Variants in PCID2 observed in about 807,000 individuals in gnomAD.
PCID2 encodes the protein PCI domain containing 2.
PCID2 carries 41 observed loss-of-function variants against 61.3 expected under a neutral mutation model. That is an observed-to-expected ratio of 0.67 (90% confidence interval 0.52 to 0.87). The LOEUF is 0.87. PCID2 is among the 40% of genes least tolerant of loss of function. The pLI is 0.00. For synonymous variants in PCID2, 187 were observed against 177.8 expected (o/e 1.05, Z -0.41); for missense variants, 392 against 493.4 (o/e 0.79, Z 1.95).
chr13:113,199,059 A>G (rs1018602608), intron 2 of PCID2, among the ~76,000 whole-genome samples: 2 of 152,218 alleles, frequency 1.3e-5, no homozygotes, highest in African/African-American at 4.8e-5. Context: ...ATTTTAGATA[A>G]TCTGAACATC....
intron 6 of PCID2, among the ~76,000 whole-genome samples, chr13:113,192,713 T>C (rs1355606132): frequency 6.6e-6 from 1 of 151,992 alleles, no homozygotes; most frequent in Non-Finnish European, 1.5e-5. Context: ...GGTTTGGGGG[T>C]TGGGTTTTTA....
Position 113,179,830 on chromosome 13 carries a change from T to TA in PCID2, c.986+86_986+87insT. The TA allele has an allele frequency of 7.3e-7, 1 of 1,370,962 alleles. No individual in the cohort carries two copies. 84.9% of individuals were successfully genotyped at this position (1,370,962 alleles called of 1,614,324 possible). Reference sequence around the variant, plus strand: ...TAACGACCCCACCCACACGGTGGCCTTCTCTCTTAGACTGCAACAGCCCTG... The same window carrying TA: ...TAACGACCCCACCCACACGGTGGCCTATCTCTCTTAGACTGCAACAGCCCTG... On this transcript the variant is annotated intron_variant, in intron 12 of 13. Transcript: ENST00000337344. This position sits in a 1 kb window ranked among gnomAD's most constrained non-coding sequence, Gnocchi z 4.3.
At chr13:113,186,629 G>A (rs1012751167) in intron 7 of PCID2, 1 of 152,026 alleles carries the variant, frequency 6.6e-6, no homozygotes, top group Non-Finnish European at 1.5e-5. Flanking sequence ...GCCCTACGGA[G>A]TCTCACACTG....
At chr13:113,194,305 C>A (rs1055498839) in intron 6 of PCID2, among the ~76,000 whole-genome samples, 38 of 152,280 alleles carry the variant, frequency 2.5e-4, no homozygotes, top group Admixed American at 9.2e-4. Context: ...CTCCTGGTTT[C>A]CTTGGGGCTT....
chr13:113,202,356 A>G (rs1360144779), intron 1 of PCID2, among the ~76,000 whole-genome samples: 1 of 152,210 alleles, frequency 6.6e-6, no homozygotes, highest in Non-Finnish European at 1.5e-5. Flanking sequence ...ATTCCATACA[A>G]CTACACATGC....
downstream of PCID2, among the ~76,000 whole-genome samples, chr13:113,176,727 C>T (rs1419871603): frequency 6.6e-6 from 1 of 152,046 alleles, no homozygotes; most frequent in Non-Finnish European, 1.5e-5. Flanking sequence ...TGCACTGCCG[C>T]ACTCCAGCCT....
intron 8 of PCID2, among the ~76,000 whole-genome samples, chr13:113,185,007 G>C (rs2037980734): frequency 6.6e-6 from 1 of 152,280 alleles, no homozygotes; most frequent in South Asian, 2.1e-4. Flanking sequence ...TACAGGAGTG[G>C]AAGGCACTGG....
At chr13:113,205,859 G>A (rs1428424401) in intron 1 of PCID2, among the ~76,000 whole-genome samples, 3 of 152,156 alleles carry the variant, frequency 2.0e-5, no homozygotes. Context: ...TTCCATTTGG[G>A]GTGACAAAAA....
chr13:113,196,455 TAA>T (rs936689038), intron 4 of PCID2, among the ~76,000 whole-genome samples: 1 of 152,190 alleles, frequency 6.6e-6, no homozygotes, highest in African/African-American at 2.4e-5. Flanking sequence ...GTCTCCTAAA[TAA>T]AAAAGACTTA....
At chr13:113,202,822 A>G (rs569520610) in intron 1 of PCID2, among the ~76,000 whole-genome samples, 1 of 152,356 alleles carries the variant, frequency 6.6e-6, no homozygotes, top group South Asian at 2.1e-4. Context: ...GTTTCTGAGC[A>G]CACCTTTAAA....
chr13:113,176,167 GAA>G (rs2037181926), downstream of PCID2, among the ~76,000 whole-genome samples: 1 of 152,218 alleles, frequency 6.6e-6, no homozygotes, highest in Non-Finnish European at 1.5e-5. Flanking sequence ...CGGAGAGAGA[GAA>G]AGAGGGATTC....
downstream of PCID2, among the ~76,000 whole-genome samples, chr13:113,176,427 T>C (rs9577477): frequency 0.3 from 1,627 of 5,486 alleles, 480 homozygotes; most frequent in South Asian, 0.84. Context: ...CTAAATGTGG[T>C]CATAAGGGTG....
At chr13:113,185,820 C>T (rs2038060063) in intron 7 of PCID2, 1 of 346,744 alleles carries the variant, frequency 2.9e-6, no homozygotes, top group Admixed American at 4.3e-5. Context: ...CATCCTTCCT[C>T]CGCGGCACCA....
Position 113,208,640 on chromosome 13 carries a change from C to CG in PCID2, c.-7dup, listed in dbSNP as rs1174284746. ...TTAATGGTAATGTGCGCCATGGGAG[C>CG]GCCGCCGAACGGAGAGCGCCACCCC... On this transcript the variant is annotated 5_prime_UTR_variant, in exon 1 of 14. Coordinates refer to ENST00000337344, the MANE Select transcript of PCID2 (RefSeq NM_001127202.4). The CG allele has an allele frequency of 6.2e-7, 1 of 1,605,946 alleles. No homozygotes were observed. The highest frequency in any genetic ancestry group is 8.5e-7 in the Non-Finnish European group (1 of 1,176,914).
intron 1 of PCID2, among the ~76,000 whole-genome samples, chr13:113,201,285 A>G (rs866224309): frequency 5.9e-5 from 9 of 152,200 alleles, no homozygotes; most frequent in Non-Finnish European, 8.8e-5. Flanking sequence ...TAAATGAAAA[A>G]AAAAGTTAAC....
chr13:113,189,719 G>GA (rs34942283), intron 7 of PCID2, among the ~76,000 whole-genome samples: 108,833 of 141,314 alleles, frequency 0.77, 41,993 homozygotes, highest in Middle Eastern at 0.8. Context: ...TGAAGGAGAG[G>GA]AAAAAAAAAA....
chr13:113,196,064 T>C, intron 5 of PCID2, 117 bp downstream of exon 5: 1 of 748,614 alleles, frequency 1.3e-6, no homozygotes, highest in East Asian at 2.5e-5. Context: ...GTCAACACAC[T>C]GATTACCAAA....
At chr13:113,185,200 C>A (rs901558375) in intron 8 of PCID2, among the ~76,000 whole-genome samples, 3 of 152,230 alleles carry the variant, frequency 2.0e-5, no homozygotes, top group Non-Finnish European at 4.4e-5. Flanking sequence ...CCCAATTCCA[C>A]CACACTGGGA....
Position 113,179,791 on chromosome 13 carries a change from C to T in PCID2, c.986+126G>A. ...GGCGGAGGCTTCATTTTATCCCACA[C>T]AATGGAAGGAAGATAACGACCCCAC... On this transcript the variant is annotated intron_variant, in intron 12 of 13. Transcript: ENST00000337344. This position sits in a 1 kb window ranked among gnomAD's most constrained non-coding sequence, Gnocchi z 4.3. 1.1e-6 allele frequency: 1 copy of T among 928,930 alleles called. No homozygotes were observed. The highest frequency in any genetic ancestry group is 1.6e-6 in the Non-Finnish European group (1 of 621,894). The allele number at this position is 928,930 out of a possible 1,614,324, so 57.5% of individuals were successfully genotyped here. A position where few individuals can be genotyped will look rare whatever the true frequency, so the allele number is the denominator to read the frequency against.
Sources: gnomAD v4.1 joint callset for allele counts (sites outside exome capture counted in the v4.1 genomes callset) on GRCh38, gnomAD v4.1.1 for gene constraint, Gnocchi (gnomAD v3.1) non-coding constraint, MANE v1.5 for transcripts, NCBI Gene and HGNC (gene_info 2026-07-23, HGNC 2026-07-21) for gene names.